GALNT18: variants seen among roughly 807,000 people sequenced by gnomAD.
The protein encoded by GALNT18 is GalNAc-transferase 18.
In GALNT18, 44 loss-of-function variants were observed where a neutral mutation model predicts 69.5. The observed-to-expected ratio is 0.63, with a 90% confidence interval of 0.50 to 0.81. GALNT18 has a LOEUF of 0.81. GALNT18 is among the 40% of genes least tolerant of loss of function. The pLI, the probability that GALNT18 is intolerant of heterozygous loss-of-function variation, is 0.00. For synonymous variants in GALNT18, 364 were observed against 318.2 expected (o/e 1.14, Z -1.53); for missense variants, 715 against 810.0 (o/e 0.88, Z 1.42).
intron 1 of GALNT18, among the ~76,000 whole-genome samples, chr11:11,479,364 T>C (rs978601528): frequency 2.6e-5 from 4 of 152,152 alleles, no homozygotes; most frequent in Non-Finnish European, 4.4e-5. Flanking sequence ...TTTAAGGAGA[T>C]AGAAAATATA....
intron 1 of GALNT18, among the ~76,000 whole-genome samples, chr11:11,569,568 G>A (rs867579571): frequency 8.5e-5 from 13 of 152,176 alleles, no homozygotes; most frequent in East Asian, 1.9e-4. Flanking sequence ...CCAAAGCCTC[G>A]TTTGAGTGGA....
intron 1 of GALNT18, among the ~76,000 whole-genome samples, chr11:11,575,241 C>A (rs1451089993): frequency 2.0e-5 from 3 of 152,174 alleles, no homozygotes; most frequent in African/African-American, 4.8e-5. Flanking sequence ...GACCAAGGCA[C>A]CTTTGTCCCA....
chr11:11,500,404 G>A lies in GALNT18; in HGVS notation c.236-51468C>T, dbSNP rs1211585738. ...GGCTTCATTTCCTCACATGGAAAGT[G>A]GTGATGGTAACACCTACCTCACAGG... On this transcript the variant is annotated intron_variant, in intron 1 of 10. Coordinates refer to ENST00000227756, the MANE Select transcript of GALNT18 (RefSeq NM_198516.3). The surrounding 1 kb of genome is among the most constrained non-coding windows in gnomAD (Gnocchi z 5.0). Among the ~76,000 whole-genome samples, 2 of 152,192 alleles carry A rather than the reference G, an allele frequency of 1.3e-5. No homozygotes were observed. The highest frequency in any genetic ancestry group is 2.9e-5 in the Non-Finnish European group (2 of 68,038).
In GALNT18 at chr11:11,461,734, C is replaced by G. The variant is rs1284363212; in HGVS notation, c.236-12798G>C. ...GTTAAAGAGGCATGCTTCCCTGACA[C>G]AGACACACGGATGGGAACAGCTGGG... is the stretch of plus-strand genomic sequence containing the variant. On this transcript the variant is annotated intron_variant, in intron 1 of 10. Transcript: ENST00000227756. The surrounding 1 kb of genome is among the most constrained non-coding windows in gnomAD (Gnocchi z 4.1). Among the ~76,000 whole-genome samples, 2 of 152,336 alleles carry G rather than the reference C, an allele frequency of 1.3e-5. No individual in the cohort carries two copies. Among genetic ancestry groups the G allele is most frequent in the Non-Finnish European group, 2.9e-5 (2 of 68,042 alleles).
In GALNT18 at chr11:11,584,381, G is replaced by C. The variant is rs1859165196; in HGVS notation, c.235+36978C>G. ...TGGAAAAGTAAATCAAAGTAAACAGGAACCTTGGAGCCATCAGGTTACTGT... is the reference window on the plus strand; with the variant it reads ...TGGAAAAGTAAATCAAAGTAAACAGCAACCTTGGAGCCATCAGGTTACTGT... On this transcript the variant is annotated intron_variant, in intron 1 of 10. Transcript: ENST00000227756. The surrounding 1 kb of genome is among the most constrained non-coding windows in gnomAD (Gnocchi z 4.1). 6.6e-6 allele frequency among the ~76,000 whole-genome samples: 1 copy of C among 152,184 alleles called. No individual in the cohort carries two copies. The highest frequency in any genetic ancestry group is 1.5e-5 in the Non-Finnish European group (1 of 68,032).
Position 11,505,395 on chromosome 11 carries a change from G to T in GALNT18, c.236-56459C>A, listed in dbSNP as rs566972382. ...CTCTATGAAGGATGGCAGGCAGATGGCATGCATACCAGCACTGACTCCTAT... is the reference window on the plus strand; with the variant it reads ...CTCTATGAAGGATGGCAGGCAGATGTCATGCATACCAGCACTGACTCCTAT... On this transcript the variant is annotated intron_variant, in intron 1 of 10. Transcript: ENST00000227756. The surrounding 1 kb of genome is among the most constrained non-coding windows in gnomAD (Gnocchi z 4.6). Among the ~76,000 whole-genome samples, 5 of 152,254 alleles carry T rather than the reference G, an allele frequency of 3.3e-5. No homozygotes were observed. The East Asian group carries it at 9.7e-4, about 29-fold the overall frequency.
chr11:11,593,232 C>T (rs1257976800), intron 1 of GALNT18, among the ~76,000 whole-genome samples: 1 of 152,214 alleles, frequency 6.6e-6, no homozygotes, highest in Non-Finnish European at 1.5e-5. Flanking sequence ...GTCTTTACTT[C>T]TCTACAGGTT....
intron 1 of GALNT18, among the ~76,000 whole-genome samples, chr11:11,530,475 G>C (rs546300338): frequency 1.3e-5 from 2 of 152,318 alleles, no homozygotes; most frequent in South Asian, 4.1e-4. Context: ...CAGTGGGCAG[G>C]ACAGGCCCGT....
chr11:11,557,895 C>T (rs1858370840), intron 1 of GALNT18, among the ~76,000 whole-genome samples: 2 of 152,222 alleles, frequency 1.3e-5, no homozygotes. Context: ...ATTTCCCCAG[C>T]TTGAAGCAGA....
chr11:11,471,844 A>C (rs1259831034), intron 1 of GALNT18, among the ~76,000 whole-genome samples: 2 of 152,156 alleles, frequency 1.3e-5, no homozygotes, highest in African/African-American at 2.4e-5. Flanking sequence ...CCTGCCCAGG[A>C]CCTGACTGGA....
chr11:11,578,651 G>C (rs1209000499), intron 1 of GALNT18, among the ~76,000 whole-genome samples: 1 of 152,342 alleles, frequency 6.6e-6, no homozygotes, highest in South Asian at 2.1e-4. Flanking sequence ...CCCACCTCCC[G>C]GGTCAGGAGA....
intron 1 of GALNT18, 129 bp from the exon 2 acceptor site, chr11:11,449,065 T>C (rs889552801): frequency 1.7e-5 from 13 of 754,088 alleles, no homozygotes; most frequent in Non-Finnish European, 2.5e-5. Flanking sequence ...GGGTCAGTGC[T>C]GACTTGGGTT....
intron 1 of GALNT18, among the ~76,000 whole-genome samples, chr11:11,560,159 TG>T (rs1858465134): frequency 3.5e-4 from 1 of 2,874 alleles, no homozygotes; most frequent in Non-Finnish European, 6.7e-4. Flanking sequence ...TATGATGGGA[TG>T]TATGGGATGG....
chr11:11,385,016 T>G (rs1264893382), intron 3 of GALNT18, among the ~76,000 whole-genome samples: 1 of 152,128 alleles, frequency 6.6e-6, no homozygotes, highest in African/African-American at 2.4e-5. Flanking sequence ...TTATAAGAAG[T>G]GCAGTGTCAG....
chr11:11,428,808 C>T (rs936220617), intron 3 of GALNT18, among the ~76,000 whole-genome samples: 9 of 152,100 alleles, frequency 5.9e-5, no homozygotes, highest in Non-Finnish European at 1.2e-4. Flanking sequence ...TTGAATTGAA[C>T]AGAATATAAT....
chr11:11,530,825 G>A (rs1564996905), intron 1 of GALNT18, among the ~76,000 whole-genome samples: 1 of 152,226 alleles, frequency 6.6e-6, no homozygotes, highest in Non-Finnish European at 1.5e-5. Context: ...CAGAAGCTCA[G>A]CATGGAGCCA....
chr11:11,619,614 G>C lies in GALNT18; in HGVS notation c.235+1745C>G, dbSNP rs898063484. Among the ~76,000 whole-genome samples, 2 of 152,088 alleles carry C rather than the reference G, an allele frequency of 1.3e-5. No individual in the cohort carries two copies. Among genetic ancestry groups the C allele is most frequent in the East Asian group, 1.9e-4 (1 of 5,192 alleles). On this transcript the variant is annotated intron_variant, in intron 1 of 10. Transcript: ENST00000227756. This position sits in a 1 kb window ranked among gnomAD's most constrained non-coding sequence, Gnocchi z 4.9. ...TTTTCCAGGAACACACACACACACA[G>C]AATCTGTGAATGAAAATCTCAAAAT... is the stretch of plus-strand genomic sequence containing the variant.
chr11:11,329,435 C>T (rs901444521), intron 8 of GALNT18, among the ~76,000 whole-genome samples: 1 of 152,194 alleles, frequency 6.6e-6, no homozygotes, highest in African/African-American at 2.4e-5. Context: ...CCACTCTCCT[C>T]CCTGTCTATA....
At chr11:11,530,434 C>G (rs1366481633) in intron 1 of GALNT18, among the ~76,000 whole-genome samples, 3 of 152,228 alleles carry the variant, frequency 2.0e-5, no homozygotes, top group East Asian at 3.9e-4. Context: ...TGAATCCACA[C>G]AGCACTCTGG....
Sources: gnomAD v4.1 joint callset for allele counts (sites outside exome capture counted in the v4.1 genomes callset) on GRCh38, gnomAD v4.1.1 for gene constraint, Gnocchi (gnomAD v3.1) non-coding constraint, MANE v1.5 for transcripts, NCBI Gene and HGNC (gene_info 2026-07-23, HGNC 2026-07-21) for gene names.